The following NEK7 variants were observed in gnomAD, a reference collection of about 807,000 sequenced individuals.
NEK7 encodes the protein serine/threonine-protein kinase Nek7.
NEK7 carries 18 observed loss-of-function variants against 44.6 expected under a neutral mutation model. The ratio of observed to expected loss-of-function variants is 0.40; its 90% confidence interval spans 0.28 to 0.60. The LOEUF (loss-of-function observed/expected upper bound fraction) is 0.60, where lower values mean the gene tolerates loss of function less well. Among genes scored for constraint, NEK7 ranks in the 20% least tolerant of loss-of-function variants. The pLI, the probability that NEK7 is intolerant of heterozygous loss-of-function variation, is 0.38. For synonymous variants in NEK7, 130 were observed against 121.1 expected (o/e 1.07, Z -0.48); for missense variants, 256 against 366.5 (o/e 0.70, Z 2.46).
intron 9 of NEK7, among the ~76,000 whole-genome samples, chr1:198,304,946 C>A (rs927994241): frequency 2.0e-5 from 3 of 152,038 alleles, no homozygotes; most frequent in African/African-American, 4.8e-5. Context: ...AAACAGTTTT[C>A]TCTGATTTTG....
intron 9 of NEK7, among the ~76,000 whole-genome samples, chr1:198,298,648 A>C (rs1443271161): frequency 1.3e-5 from 2 of 152,224 alleles, no homozygotes; most frequent in African/African-American, 4.8e-5. Flanking sequence ...ATAATGCAAA[A>C]TGATAGCAAG....
intron 3 of NEK7, among the ~76,000 whole-genome samples, chr1:198,254,594 TAC>T (rs1440679954): frequency 6.6e-6 from 1 of 152,200 alleles, no homozygotes; most frequent in African/African-American, 2.4e-5. Flanking sequence ...TTAAGTTGTT[TAC>T]AGTTATTTGC....
At chr1:198,203,316 A>G (rs1665492212) in intron 1 of NEK7, among the ~76,000 whole-genome samples, 2 of 152,220 alleles carry the variant, frequency 1.3e-5, no homozygotes, top group African/African-American at 4.8e-5. Flanking sequence ...AATCTTTTGT[A>G]TAATGAAGAG....
chr1:198,228,799 C>T (rs913723618), intron 1 of NEK7, among the ~76,000 whole-genome samples: 10 of 152,298 alleles, frequency 6.6e-5, no homozygotes, highest in African/African-American at 1.7e-4. Flanking sequence ...GATATACAAT[C>T]ATGTCATCTG....
At chr1:198,189,396 C>T (rs1024281934) in intron 1 of NEK7, among the ~76,000 whole-genome samples, 3 of 152,032 alleles carry the variant, frequency 2.0e-5, no homozygotes, top group Non-Finnish European at 2.9e-5. Context: ...ACTAAAGATT[C>T]GTTCTAACTC....
At chr1:198,273,359 A>G (rs1021541614) in intron 5 of NEK7, among the ~76,000 whole-genome samples, 13 of 151,754 alleles carry the variant, frequency 8.6e-5, no homozygotes, top group Non-Finnish European at 1.0e-4. Context: ...ACAATTATGT[A>G]TAGCAAATAT....
chr1:198,163,635 C>T (rs527786595), intron 1 of NEK7, among the ~76,000 whole-genome samples: 2 of 152,188 alleles, frequency 1.3e-5, no homozygotes, highest in African/African-American at 4.8e-5. Context: ...TCAATAAATA[C>T]ATGTAAATTG....
intron 8 of NEK7, among the ~76,000 whole-genome samples, chr1:198,296,369 A>G (rs1302703187): frequency 3.9e-5 from 6 of 152,212 alleles, no homozygotes; most frequent in Non-Finnish European, 8.8e-5. Context: ...TGCTTACCAC[A>G]GTACTTGCTT....
chr1:198,239,727 A>G (rs143395722), intron 2 of NEK7, among the ~76,000 whole-genome samples: 66 of 152,228 alleles, frequency 4.3e-4, no homozygotes, highest in South Asian at 2.3e-3. Flanking sequence ...GTTAATTTCT[A>G]CTTTTTCCAC....
chr1:198,295,906 A>C (rs1654705070), intron 8 of NEK7, among the ~76,000 whole-genome samples: 1 of 145,372 alleles, frequency 6.9e-6, no homozygotes, highest in East Asian at 3.0e-4. Flanking sequence ...ATTGTTTTTA[A>C]CTTTTTTCTC....
At chr1:198,205,597 G>A (rs1327123920) in intron 1 of NEK7, among the ~76,000 whole-genome samples, 1 of 151,950 alleles carries the variant, frequency 6.6e-6, no homozygotes, top group African/African-American at 2.4e-5. Flanking sequence ...ATTTGCTCTG[G>A]GAGAAACAGA....
intron 5 of NEK7, among the ~76,000 whole-genome samples, chr1:198,276,711 G>C (rs919302452): frequency 6.6e-6 from 1 of 151,632 alleles, no homozygotes; most frequent in Non-Finnish European, 1.5e-5. Context: ...TGTAATATGT[G>C]TTATAAGAAA....
rs1017211440 is a variant in NEK7 at position 198,204,128 on chromosome 1, C to G, written c.-28-28425C>G. On this transcript the variant is annotated intron_variant, in intron 1 of 9. Coordinates refer to ENST00000367385, the MANE Select transcript of NEK7 (RefSeq NM_133494.3). ...CTTAAAAATTAGCTGGGCATGTTGG[C>G]ACGTGCCTGTGAGCCCAGCTACCCG... is the stretch of plus-strand genomic sequence containing the variant. Among the ~76,000 whole-genome samples the G allele has an allele frequency of 6.6e-5, 10 of 152,206 alleles. No individual in the cohort carries two copies. In the South Asian group the frequency reaches 2.1e-3, roughly 32 times the overall value.
At chr1:198,172,723 G>C (rs138569348) in intron 1 of NEK7, among the ~76,000 whole-genome samples, 124 of 152,234 alleles carry the variant, frequency 8.1e-4, no homozygotes, top group African/African-American at 2.7e-3. Flanking sequence ...AGGAAATGCA[G>C]GTTTTGCCTT....
intron 9 of NEK7, among the ~76,000 whole-genome samples, chr1:198,304,458 G>A (rs1654972170): frequency 6.6e-6 from 1 of 152,086 alleles, no homozygotes; most frequent in African/African-American, 2.4e-5. Context: ...GTGTCCTTGG[G>A]TAGATGGAAA....
At chr1:198,301,080 C>T (rs779025294) in intron 9 of NEK7, among the ~76,000 whole-genome samples, 12 of 152,164 alleles carry the variant, frequency 7.9e-5, no homozygotes, top group Non-Finnish European at 1.6e-4. Context: ...TAGTAAATAG[C>T]TATATTGTTA....
At chr1:198,281,650 A>G (rs1654201724) in intron 7 of NEK7, among the ~76,000 whole-genome samples, 1 of 152,074 alleles carries the variant, frequency 6.6e-6, no homozygotes. Flanking sequence ...ATGCATTTAT[A>G]TTTTCAAAAT....
At chr1:198,258,536 T>C (rs2102939388) in intron 3 of NEK7, among the ~76,000 whole-genome samples, 1 of 152,352 alleles carries the variant, frequency 6.6e-6, no homozygotes, top group Non-Finnish European at 1.5e-5. Context: ...ATTTGACATA[T>C]GCCTTTTTAA....
chr1:198,230,440 A>G (rs371841706), intron 1 of NEK7, among the ~76,000 whole-genome samples: 7 of 152,252 alleles, frequency 4.6e-5, no homozygotes, highest in African/African-American at 9.6e-5. Flanking sequence ...ACATGTAATC[A>G]TTTCAAGATA....
Sources: allele counts gnomAD v4.1 joint callset (sites outside exome capture counted in the v4.1 genomes callset), GRCh38; gene constraint gnomAD v4.1.1; transcripts MANE v1.5; gene names NCBI Gene and HGNC (gene_info 2026-07-23, HGNC 2026-07-21).